The following OPCML variants were observed in gnomAD, a reference collection of about 807,000 sequenced individuals.
OPCML encodes the protein opioid-binding protein/cell adhesion molecule.
A neutral mutation model predicts 37.8 loss-of-function variants in OPCML; 13 were observed. The observed-to-expected ratio is 0.34, with a 90% CI of 0.22 to 0.55. The LOEUF (loss-of-function observed/expected upper bound fraction) is 0.55. Ranked by LOEUF, OPCML falls within the 20% of genes least tolerant of loss-of-function variation. The probability of loss-of-function intolerance (pLI) is 0.91; values close to 1 mark genes in which losing one functional copy is unlikely to be tolerated. For missense variants in OPCML, 341 were observed against 435.6 expected (o/e 0.78, Z 1.93); for synonymous variants, 176 against 168.8 (o/e 1.04, Z -0.33).
chr11:133,225,312 A>G (rs751950886), intron 1 of OPCML, among the ~76,000 whole-genome samples: 16 of 152,164 alleles, frequency 1.1e-4, no homozygotes, highest in Non-Finnish European at 1.5e-4. Context: ...AGTAACAGAA[A>G]ACCACAGAAT....
At chr11:133,074,801 G>A (rs1394859520) in intron 1 of OPCML, among the ~76,000 whole-genome samples, 1 of 152,186 alleles carries the variant, frequency 6.6e-6, no homozygotes, top group East Asian at 1.9e-4. Context: ...TTGTTACACA[G>A]ACGGCTAAGC....
chr11:132,784,376 C>A (rs972303727), intron 2 of OPCML, among the ~76,000 whole-genome samples: 7 of 152,126 alleles, frequency 4.6e-5, no homozygotes, highest in African/African-American at 1.4e-4. Context: ...GTTAGCCCAT[C>A]TACCTCTTCT....
chr11:133,244,893 A>G (rs553817245), intron 1 of OPCML, among the ~76,000 whole-genome samples: 27 of 152,188 alleles, frequency 1.8e-4, no homozygotes, highest in Non-Finnish European at 3.4e-4. Flanking sequence ...GTGAGAATGG[A>G]CTAATACAGC....
At chr11:133,014,668 G>A (rs1947286591) in intron 1 of OPCML, among the ~76,000 whole-genome samples, 1 of 152,192 alleles carries the variant, frequency 6.6e-6, no homozygotes, top group South Asian at 2.1e-4. Context: ...CTCTGTCCTG[G>A]GGAGACAAGC....
chr11:133,409,399 G>T (rs1184909790), intron 1 of OPCML, among the ~76,000 whole-genome samples: 1 of 152,130 alleles, frequency 6.6e-6, no homozygotes, highest in South Asian at 2.1e-4. Context: ...TTAAGGTGAG[G>T]TGTAAAAAGG....
intron 2 of OPCML, among the ~76,000 whole-genome samples, chr11:132,928,447 T>C (rs578039787): frequency 6.6e-6 from 1 of 151,938 alleles, no homozygotes; most frequent in South Asian, 2.1e-4. Context: ...ACATATATAC[T>C]AAATAGCAGA....
At chr11:133,228,146 C>G (rs1940120271) in intron 1 of OPCML, among the ~76,000 whole-genome samples, 1 of 152,152 alleles carries the variant, frequency 6.6e-6, no homozygotes, top group African/African-American at 2.4e-5. Context: ...GACTGCTATG[C>G]TGGGCAATTT....
At chr11:133,125,987 C>T (rs1172863827) in intron 1 of OPCML, among the ~76,000 whole-genome samples, 1 of 148,486 alleles carries the variant, frequency 6.7e-6, no homozygotes, top group African/African-American at 2.5e-5. Context: ...TATATAGACA[C>T]ACGTATATAT....
At chr11:133,294,674 C>T (rs1011432722) in intron 1 of OPCML, among the ~76,000 whole-genome samples, 2 of 152,000 alleles carry the variant, frequency 1.3e-5, no homozygotes, top group Non-Finnish European at 2.9e-5. Context: ...GGCTTCATCA[C>T]AATTCTATTG....
At chr11:133,152,703 G>T (rs1282889349) in intron 1 of OPCML, among the ~76,000 whole-genome samples, 1 of 152,062 alleles carries the variant, frequency 6.6e-6, no homozygotes, top group Admixed American at 6.5e-5. Flanking sequence ...TGATGCGTGG[G>T]ACTACCTAGG....
At chr11:133,014,207 G>A (rs1455889912) in intron 1 of OPCML, among the ~76,000 whole-genome samples, 1 of 152,046 alleles carries the variant, frequency 6.6e-6, no homozygotes, top group African/African-American at 2.4e-5. Flanking sequence ...AAAACTAACT[G>A]TTCTTGAAGA....
At chr11:132,925,328 G>C (rs920162584) in intron 2 of OPCML, among the ~76,000 whole-genome samples, 17 of 152,180 alleles carry the variant, frequency 1.1e-4, no homozygotes, top group African/African-American at 3.6e-4. Flanking sequence ...CTAGTGTGGG[G>C]TAAAGTAGGG....
chr11:132,712,391 C>G (rs955490355), intron 2 of OPCML, among the ~76,000 whole-genome samples: 5 of 152,098 alleles, frequency 3.3e-5, no homozygotes, highest in South Asian at 2.1e-4. Context: ...TAATAAGGCT[C>G]CCCCTCGGTG....
intron 1 of OPCML, among the ~76,000 whole-genome samples, chr11:133,483,351 A>C (rs1947423137): frequency 6.6e-6 from 1 of 150,402 alleles, no homozygotes; most frequent in Non-Finnish European, 1.5e-5. Flanking sequence ...ATAGATATAG[A>C]TAGATAGATA....
chr11:133,461,126 A>G (rs1443069903), intron 1 of OPCML, among the ~76,000 whole-genome samples: 2 of 151,956 alleles, frequency 1.3e-5, no homozygotes, highest in East Asian at 3.9e-4. Context: ...AATTATACGT[A>G]ATGGTGAAAA....
intron 2 of OPCML, among the ~76,000 whole-genome samples, chr11:132,844,544 A>T (rs1739164225): frequency 6.6e-6 from 1 of 152,200 alleles, no homozygotes; most frequent in African/African-American, 2.4e-5. Flanking sequence ...TCAGAAAGAC[A>T]AAGGGCAAGA....
chr11:132,630,288 C>T (rs929629141), intron 3 of OPCML, among the ~76,000 whole-genome samples: 6 of 152,150 alleles, frequency 3.9e-5, no homozygotes, highest in Middle Eastern at 3.4e-3. Context: ...GACTGGGCAC[C>T]GTGGCTCACA....
chr11:133,143,869 A>G (rs1224755634), intron 1 of OPCML, among the ~76,000 whole-genome samples: 1 of 152,248 alleles, frequency 6.6e-6, no homozygotes, highest in East Asian at 1.9e-4. Flanking sequence ...CAATCGGCTT[A>G]TAAACCACAT....
At chr11:132,839,155 T>C (rs1941175943) in intron 2 of OPCML, among the ~76,000 whole-genome samples, 1 of 152,182 alleles carries the variant, frequency 6.6e-6, no homozygotes, top group African/African-American at 2.4e-5. Flanking sequence ...AGCATTTTCA[T>C]CACCTTCATA....
Sources: allele counts gnomAD v4.1 joint callset (sites outside exome capture counted in the v4.1 genomes callset), GRCh38; gene constraint gnomAD v4.1.1; transcripts MANE v1.5; gene names NCBI Gene and HGNC (gene_info 2026-07-23, HGNC 2026-07-21).